The following ENTPD6 variants were observed in gnomAD, a reference collection of about 807,000 sequenced individuals.
The protein encoded by ENTPD6 is CD39 antigen-like 2.
ENTPD6 carries 46 observed loss-of-function variants against 61.5 expected under a neutral mutation model. The observed-to-expected ratio is 0.75, with a 90% CI of 0.59 to 0.96. The LOEUF is 0.96. ENTPD6 is among the 40% of genes least tolerant of loss of function. The pLI is 0.00. For synonymous variants in ENTPD6, 252 were observed against 255.5 expected, an observed-to-expected ratio of 0.99 and a Z score of 0.13; for missense variants, 612 against 629.0, an observed-to-expected ratio of 0.97 and a Z score of 0.29.
chr20:25,204,966 G>C (rs1041687376), intron 1 of ENTPD6, among the ~76,000 whole-genome samples: 1 of 152,130 alleles, frequency 6.6e-6, no homozygotes, highest in South Asian at 2.1e-4. Context: ...GTTTCTCTGT[G>C]GGGGAACAAG....
At chr20:25,221,422 T>C in intron 11 of ENTPD6, 89 bp downstream of exon 11, 5 of 970,514 alleles carry the variant, frequency 5.2e-6, no homozygotes, top group Non-Finnish European at 6.6e-6. Flanking sequence ...CATGGGACGT[T>C]CCACGGGAGG....
At chr20:25,209,410 G>A (rs6050437) in intron 3 of ENTPD6, among the ~76,000 whole-genome samples, 11,313 of 151,714 alleles carry the variant, frequency 0.075, 1,304 homozygotes, top group African/African-American at 0.25. Context: ...GTGCCTGGCC[G>A]TAAAGTTGGA....
intron 4 of ENTPD6, 64 bp downstream of exon 4, chr20:25,209,989 T>A: frequency 2.2e-6 from 3 of 1,390,122 alleles, no homozygotes; most frequent in African/African-American, 1.4e-5. Flanking sequence ...GTTCTTTTCC[T>A]TTGAATGTGG....
chr20:25,198,925 G>T (rs2122407215), intron 1 of ENTPD6, among the ~76,000 whole-genome samples: 1 of 152,280 alleles, frequency 6.6e-6, no homozygotes, highest in Non-Finnish European at 1.5e-5. Flanking sequence ...CCTGATCACT[G>T]CTGCCTCCTG....
At chr20:25,209,173 A>G (rs1291922318) in intron 3 of ENTPD6, among the ~76,000 whole-genome samples, 14 of 143,450 alleles carry the variant, frequency 9.8e-5, no homozygotes, top group African/African-American at 3.4e-4. Flanking sequence ...GCAGTGGTGC[A>G]ATCTCCGCTC....
In ENTPD6 at chr20:25,213,535, C is replaced by T. The variant is rs1326000529; in HGVS notation, c.597+129C>T. The T allele has an allele frequency of 4.2e-6, 4 of 947,304 alleles. No homozygotes were observed. The East Asian group carries it at 1.1e-4, about 25-fold the overall frequency. The allele number at this position is 947,304 out of a possible 1,614,324, so 58.7% of individuals were successfully genotyped here. On this transcript the variant is annotated intron_variant, in intron 5 of 14. Coordinates refer to ENST00000376652, the MANE Select transcript of ENTPD6 (RefSeq NM_001247.5). ...GATGCTTCTGAAGAAAAGTTTGCAG[C>T]ATCACTTTTAGGTGGAGGGATGGTG...
chr20:25,209,576 A>G (rs2091808517), intron 3 of ENTPD6, among the ~76,000 whole-genome samples: 1 of 150,166 alleles, frequency 6.7e-6, no homozygotes, highest in South Asian at 2.1e-4. Context: ...ATTATAATAA[A>G]TATAATCTTT....
rs774024810 is a variant in ENTPD6, at chr20:25,222,850, A to G, written c.1058A>G (p.His353Arg). The G allele has an allele frequency of 6.2e-7, 1 of 1,613,950 alleles. No homozygotes were observed. Among genetic ancestry groups the G allele is most frequent in the South Asian group, 1.1e-5 (1 of 91,068 alleles). Residue 353 changes from histidine (H) to arginine (R), a missense_variant, in exon 12 of 15, where the codon CAC (histidine) becomes CGC (arginine). Coordinates refer to ENST00000376652, the MANE Select transcript of ENTPD6 (RefSeq NM_001247.5). ...VSGQKAAASL[H>R]ELCAARVSEV... ...TGCTTGTCCCCAGCGGCAAGCCTGC[A>G]CGAGCTGTGTGCTGCCAGAGTGTCA...
At chr20:25,218,767 C>T (rs2092487688) in intron 10 of ENTPD6, among the ~76,000 whole-genome samples, 153 bp downstream of exon 10, 1 of 152,252 alleles carries the variant, frequency 6.6e-6, no homozygotes, top group Non-Finnish European at 1.5e-5. Context: ...GCATGCTGGG[C>T]ACCCAGCCAG....
chr20:25,223,015 G>A (rs1216725647), intron 12 of ENTPD6, 37 bp downstream of exon 12: 1 of 1,566,976 alleles, frequency 6.4e-7, no homozygotes, highest in Non-Finnish European at 8.7e-7. Flanking sequence ...GGAAGGTCGG[G>A]GCGGCAGGGG....
rs1364931147 is a variant in ENTPD6, at chr20:25,227,389, A to G, written c.*1792A>G. On this transcript the variant is annotated 3_prime_UTR_variant, in exon 15 of 15. Coordinates refer to ENST00000376652, the MANE Select transcript of ENTPD6 (RefSeq NM_001247.5). ...ACGCATGAAGGTAAAGCCAAAATCAATTTGGTCCATTTAAAGAAGGTCGGT... is the reference window on the plus strand; with the variant it reads ...ACGCATGAAGGTAAAGCCAAAATCAGTTTGGTCCATTTAAAGAAGGTCGGT... Among the ~76,000 whole-genome samples the G allele has an allele frequency of 2.6e-5, 4 of 152,374 alleles. No homozygotes were observed. Among genetic ancestry groups the G allele is most frequent in the African/African-American group, 4.8e-5 (2 of 41,590 alleles).
intron 1 of ENTPD6, among the ~76,000 whole-genome samples, chr20:25,198,676 A>AAGGG (rs1304192583): frequency 1.3e-5 from 2 of 152,188 alleles, no homozygotes; most frequent in Admixed American, 6.5e-5. Context: ...TCTGCTAAGG[A>AAGGG]AGGGAGGGCT....
At chr20:25,205,283 T>C (rs1411037048) in intron 1 of ENTPD6, among the ~76,000 whole-genome samples, 2 of 152,086 alleles carry the variant, frequency 1.3e-5, no homozygotes, top group Non-Finnish European at 2.9e-5. Context: ...TGATGGGGCA[T>C]GTGCAGGTTG....
Position 25,213,154 on chromosome 20 carries a change from G to A in ENTPD6, c.454-109G>A, listed in dbSNP as rs551876737. ...ACTTCACTCTAGCCTGGGCAACACAGTGAGACTCTGTCTCCAGAAACCAAA... is the reference window on the plus strand; with the variant it reads ...ACTTCACTCTAGCCTGGGCAACACAATGAGACTCTGTCTCCAGAAACCAAA... On this transcript the variant is annotated intron_variant, in intron 4 of 14. Transcript: ENST00000376652. The A allele has an allele frequency of 1.9e-4, 240 of 1,288,648 alleles. 1 individual carries two copies. In the South Asian group the frequency reaches 2.8e-3, roughly 15 times the overall value. 79.8% of individuals were successfully genotyped at this position (1,288,648 alleles called of 1,614,324 possible).
At position 25,221,713 on chromosome 20, in the gene ENTPD6, T is replaced by C. The variant is rs74906815; in HGVS notation, c.1045+380T>C. The C allele has an allele frequency of 2.8e-3, 973 of 345,180 alleles. 9 individuals carry two copies. Among genetic ancestry groups the C allele is most frequent in the African/African-American group, 0.018 (862 of 47,012 alleles). The allele number at this position is 345,180 out of a possible 1,614,324, so 21.4% of individuals were successfully genotyped here. Reference sequence around the variant, plus strand: ...TAGAGGGAGGGTCTGCTTCCACCCATCCTGCTCGAGGCTATGGAGCCCGCT... The same window carrying C: ...TAGAGGGAGGGTCTGCTTCCACCCACCCTGCTCGAGGCTATGGAGCCCGCT... On this transcript the variant is annotated intron_variant, in intron 11 of 14. Coordinates refer to ENST00000376652, the MANE Select transcript of ENTPD6 (RefSeq NM_001247.5).
At chr20:25,209,227 A>T (rs13038578) in intron 3 of ENTPD6, among the ~76,000 whole-genome samples, 17,678 of 151,486 alleles carry the variant, frequency 0.12, 1,229 homozygotes, top group East Asian at 0.31. Context: ...CTCCTGCCTC[A>T]GCCTCCCGAG....
intron 11 of ENTPD6, chr20:25,222,608 C>T (rs2092674760): frequency 4.1e-6 from 2 of 489,724 alleles, no homozygotes; most frequent in Non-Finnish European, 7.2e-6. Flanking sequence ...GCCTTCGTGC[C>T]CACGGTCTTC....
intron 10 of ENTPD6, 65 bp from the exon 11 acceptor site, chr20:25,221,167 G>C: frequency 1.5e-6 from 2 of 1,340,030 alleles, no homozygotes; most frequent in Non-Finnish European, 2.1e-6. Flanking sequence ...GCGACTCCTA[G>C]CTCAGCCCTA....
chr20:25,225,212 G>C lies in ENTPD6; in HGVS notation c.1251G>C (p.Arg417=), dbSNP rs530378468. The stretch of plus-strand genomic sequence containing the variant: ...GACGTGTCTCATCCCCAGTGTGTCG[G>C]ACCCTGGAGACACAGCCGCAGAGCA... ...DFEIAAKYVC[R]TLETQPQSSP... The change falls in exon 14 of 15, where the codon CGG becomes CGC. Residue 417 remains arginine (R), a synonymous_variant. Transcript: ENST00000376652. 4 of 1,612,622 alleles carry C rather than the reference G, an allele frequency of 2.5e-6. No homozygotes were observed. The South Asian group carries it at 3.3e-5, about 13-fold the overall frequency.
Sources: allele counts gnomAD v4.1 joint callset (sites outside exome capture counted in the v4.1 genomes callset), GRCh38; gene constraint gnomAD v4.1.1; transcripts MANE v1.5; gene names NCBI Gene and HGNC (gene_info 2026-07-23, HGNC 2026-07-21).